FNIP1: variants seen among roughly 807,000 people sequenced by gnomAD.
The protein encoded by FNIP1 is folliculin interacting protein 1, also known as folliculin-interacting protein 1.
In FNIP1, 40 loss-of-function variants were observed where a neutral mutation model predicts 124.5. The observed-to-expected ratio is 0.32, with a 90% CI of 0.25 to 0.42. The LOEUF (loss-of-function observed/expected upper bound fraction) is 0.42. Among genes scored for constraint, FNIP1 ranks in the 10% least tolerant of loss-of-function variants. FNIP1 has a pLI of 1.00. For synonymous variants in FNIP1, 472 were observed against 470.6 expected, an observed-to-expected ratio of 1.00 and a Z score of -0.04; for missense variants, 1,176 against 1,403.7, an observed-to-expected ratio of 0.84 and a Z score of 2.59.
At chr5:131,711,120 C>T (rs1769277199) in intron 6 of FNIP1, among the ~76,000 whole-genome samples, 1 of 152,206 alleles carries the variant, frequency 6.6e-6, no homozygotes, top group Non-Finnish European at 1.5e-5. Context: ...TGGCACACAG[C>T]ATACAACAGG....
intron 5 of FNIP1, 35 bp from the exon 6 acceptor site, chr5:131,716,691 C>T (rs1769477212): frequency 1.5e-6 from 2 of 1,354,096 alleles, no homozygotes; most frequent in Middle Eastern, 1.9e-4. Context: ...ATTCCAAATT[C>T]ATTTTATGGT....
chr5:131,664,871 T>C (rs1767548921), intron 15 of FNIP1, among the ~76,000 whole-genome samples: 1 of 150,608 alleles, frequency 6.6e-6, no homozygotes, highest in Non-Finnish European at 1.5e-5. Flanking sequence ...ATATATTTTA[T>C]ATATAAGGAC....
At chr5:131,740,889 G>A (rs924677640) in intron 2 of FNIP1, among the ~76,000 whole-genome samples, 14 of 152,190 alleles carry the variant, frequency 9.2e-5, no homozygotes, top group African/African-American at 2.7e-4. Context: ...GGCGACAAGA[G>A]TGACCTCTGG....
At chr5:131,678,822 CATAA>C (rs1355815060) in intron 12 of FNIP1, among the ~76,000 whole-genome samples, 1 of 152,142 alleles carries the variant, frequency 6.6e-6, no homozygotes, top group Non-Finnish European at 1.5e-5. Flanking sequence ...ATTTTAATTA[CATAA>C]TTACAGACAT....
chr5:131,788,073 G>C (rs540437105), intron 1 of FNIP1, among the ~76,000 whole-genome samples: 3 of 152,232 alleles, frequency 2.0e-5, no homozygotes, highest in Middle Eastern at 6.8e-3. Context: ...AGGCATCAAC[G>C]GTTTGTATAA....
intron 2 of FNIP1, among the ~76,000 whole-genome samples, chr5:131,739,514 G>A (rs1770435664): frequency 6.6e-6 from 1 of 152,048 alleles, no homozygotes; most frequent in Non-Finnish European, 1.5e-5. Context: ...CTATTTATGT[G>A]TCAATAACAC....
At chr5:131,709,979 G>A (rs1034698863) in intron 7 of FNIP1, among the ~76,000 whole-genome samples, 4 of 152,148 alleles carry the variant, frequency 2.6e-5, no homozygotes, top group Non-Finnish European at 4.4e-5. Context: ...GCTAAAATGT[G>A]TGAAAACAAG....
chr5:131,758,488 G>A (rs972172827), intron 1 of FNIP1, among the ~76,000 whole-genome samples: 5 of 152,184 alleles, frequency 3.3e-5, no homozygotes, highest in African/African-American at 1.2e-4. Context: ...CACTAACAGT[G>A]TTAAGTATAC....
intron 2 of FNIP1, among the ~76,000 whole-genome samples, chr5:131,737,623 C>T (rs961749893): frequency 2.6e-5 from 4 of 152,176 alleles, no homozygotes; most frequent in African/African-American, 9.7e-5. Context: ...CATCCTTTAA[C>T]CTCTTTATCT....
At chr5:131,705,015 A>C (rs1031679308) in intron 9 of FNIP1, among the ~76,000 whole-genome samples, 11 of 152,186 alleles carry the variant, frequency 7.2e-5, no homozygotes, top group Non-Finnish European at 1.6e-4. Flanking sequence ...AGAATGTAAA[A>C]AAAATTTACA....
chr5:131,749,359 T>C (rs1225274842), intron 1 of FNIP1, among the ~76,000 whole-genome samples: 3 of 151,824 alleles, frequency 2.0e-5, no homozygotes, highest in Admixed American at 6.6e-5. Context: ...AGTAAGTGAA[T>C]GGATCGCCCT....
intron 3 of FNIP1, among the ~76,000 whole-genome samples, chr5:131,729,008 T>TGG (rs1262155101): frequency 5.3e-5 from 8 of 152,294 alleles, no homozygotes; most frequent in South Asian, 2.1e-4. Context: ...GTATCACCAC[T>TGG]GGAGGCTGCA....
intron 1 of FNIP1, 62 bp downstream of exon 1, chr5:131,796,768 C>G: frequency 6.8e-7 from 1 of 1,474,732 alleles, no homozygotes; most frequent in Non-Finnish European, 9.2e-7. Context: ...GGCCCCAACA[C>G]CCCTGGAGCC....
At position 131,706,598 on chromosome 5, in the gene FNIP1, G is replaced by C. The variant is rs770579708; in HGVS notation, c.779-52C>G. On this transcript the variant is annotated intron_variant, in intron 8 of 17. Coordinates refer to ENST00000510461, the MANE Select transcript of FNIP1 (RefSeq NM_133372.3). ...TAAGTCAATAATGACTAAGCATAAT[G>C]ACAAATTTCTTTTTAACAAAATTAC... 45 of 1,405,228 alleles carry C rather than the reference G, an allele frequency of 3.2e-5. No homozygotes were observed. The South Asian group carries it at 7.5e-4, about 24-fold the overall frequency. The allele number at this position is 1,405,228 out of a possible 1,614,324, so 87.0% of individuals were successfully genotyped here.
intron 12 of FNIP1, 73 bp from the exon 13 acceptor site, chr5:131,677,945 T>C: frequency 6.7e-7 from 1 of 1,493,518 alleles, no homozygotes; most frequent in Non-Finnish European, 9.1e-7. Context: ...AGTGAAAAAG[T>C]AAGCAAGGGG....
chr5:131,780,466 A>T (rs1392398623), intron 1 of FNIP1, among the ~76,000 whole-genome samples: 3 of 151,638 alleles, frequency 2.0e-5, no homozygotes, highest in South Asian at 2.1e-4. Flanking sequence ...CACTTTTTTT[A>T]TTTTTATTTT....
In FNIP1 at chr5:131,709,943, T is replaced by G. The variant is rs1221673990; in HGVS notation, c.706+635A>C. Among the ~76,000 whole-genome samples, 5 of 152,264 alleles carry G rather than the reference T, an allele frequency of 3.3e-5. No homozygotes were observed. In the East Asian group the frequency reaches 7.7e-4, roughly 23 times the overall value. On this transcript the variant is annotated intron_variant, in intron 7 of 17. Transcript: ENST00000510461. The stretch of plus-strand genomic sequence containing the variant: ...GTGTTCACATTCCAGTAATTTCCAC[T>G]AAAAGGTTACAATGTTAGGTAATCC...
chr5:131,788,296 A>G (rs113530207), intron 1 of FNIP1, among the ~76,000 whole-genome samples: 187 of 152,306 alleles, frequency 1.2e-3, no homozygotes, highest in African/African-American at 4.0e-3. Flanking sequence ...GAAAGAGGTT[A>G]TCTTATGTTT....
intron 8 of FNIP1, among the ~76,000 whole-genome samples, chr5:131,708,291 C>T (rs1769181125): frequency 6.6e-6 from 1 of 152,122 alleles, no homozygotes; most frequent in Admixed American, 6.5e-5. Context: ...TTCATTTATA[C>T]TCAAAACTGA....
Sources: allele counts gnomAD v4.1 joint callset (sites outside exome capture counted in the v4.1 genomes callset), GRCh38; gene constraint gnomAD v4.1.1; transcripts MANE v1.5; gene names NCBI Gene and HGNC (gene_info 2026-07-23, HGNC 2026-07-21).